Variants in S100A1 observed in about 807,000 individuals in gnomAD.
S100A1 encodes S100 calcium binding protein A1.
In S100A1, 3 loss-of-function variants were observed where a neutral mutation model predicts 7.6. The ratio of observed to expected loss-of-function variants is 0.40; its 90% CI spans 0.18 to 1.02. The LOEUF is 1.02. Among genes scored for constraint, S100A1 ranks in the 50% least tolerant of loss-of-function variants. The probability of loss-of-function intolerance (pLI) is 0.35; values close to 1 mark genes in which losing one functional copy is unlikely to be tolerated. For missense variants in S100A1, 126 were observed against 115.0 expected, an observed-to-expected ratio of 1.10 and a Z score of -0.44; for synonymous variants, 49 against 49.0, an observed-to-expected ratio of 1.00 and a Z score of 0.00.
chr1:153,629,239 A>T (rs1408442111), intron 1 of S100A1: 1 of 151,986 alleles, frequency 6.6e-6, no homozygotes, highest in Admixed American at 6.6e-5. Flanking sequence ...TCTGGCATGG[A>T]GCAGGTAATC....
At chr1:153,629,585 A>C in intron 1 of S100A1, 1 of 151,300 alleles carries the variant, frequency 6.6e-6, no homozygotes, top group African/African-American at 2.4e-5. Context: ...TTCTTCTCCT[A>C]CTCTCTCCCA....
intron 2 of S100A1, 177 bp from the exon 3 acceptor site, chr1:153,631,521 C>G: frequency 6.2e-7 from 1 of 1,613,568 alleles, no homozygotes; most frequent in Non-Finnish European, 8.5e-7. Context: ...GGTGAAAGAG[C>G]TTATGCTGTA....
intron 2 of S100A1, chr1:153,631,221 C>T (rs1667993308): frequency 2.0e-6 from 1 of 506,436 alleles, no homozygotes; most frequent in African/African-American, 1.9e-5. Context: ...ACCAGGGCCC[C>T]AAAGTAAAGA....
At chr1:153,631,512 G>A in intron 2 of S100A1, 186 bp from the exon 3 acceptor site, 1 of 1,612,914 alleles carries the variant, frequency 6.2e-7, no homozygotes, top group Non-Finnish European at 8.5e-7. Context: ...ATTCTGCCAG[G>A]TGAAAGAGCT....
chr1:153,630,201 C>A, intron 1 of S100A1: 1 of 446,058 alleles, frequency 2.2e-6, no homozygotes, highest in Non-Finnish European at 3.9e-6. Flanking sequence ...CCTGCCTGGG[C>A]AGCCACTGCA....
rs1668019668 is a variant in S100A1 at position 153,631,729 on chromosome 1, T to C, written c.173T>C (p.Val58Ala). Residue 58 changes from valine (V) to alanine (A), a missense_variant, in exon 3 of 3, where the codon GTG becomes GCG. Physicochemically the swap from Val to Ala is moderately conservative, Grantham distance 64. Coordinates refer to ENST00000292169, the MANE Select transcript of S100A1 (RefSeq NM_006271.2). Reference protein sequence around the residue: ...AQKDVDAVDKVMKELDENGDG... With the variant: ...AQKDVDAVDKAMKELDENGDG... ...AAGGATGTGGATGCTGTGGACAAGG[T>C]GATGAAGGAGCTAGACGAGAATGGA... 3.1e-6 allele frequency: 5 copies of C among 1,614,090 alleles called. No homozygotes were observed. In the African/African-American group the frequency reaches 4.0e-5, roughly 13 times the overall value.
Position 153,631,477 on chromosome 1 carries a change from AC to A in S100A1, c.142-220del, listed in dbSNP as rs1173406417. On this transcript the variant is annotated intron_variant, in intron 2 of 2. Transcript: ENST00000292169. The stretch of plus-strand genomic sequence containing the variant: ...TTGCTTTATTATAGGCACTGAACAT[AC>A]GGTAACTGGTGTCATTATTATTCAT... The A allele has an allele frequency of 8.8e-6, 14 of 1,596,902 alleles. No homozygotes were observed. The African/African-American group carries it at 1.9e-4, about 21-fold the overall frequency.
intron 1 of S100A1, chr1:153,630,085 G>A (rs1336271578): frequency 9.4e-6 from 2 of 212,244 alleles, no homozygotes; most frequent in Non-Finnish European, 1.9e-5. Flanking sequence ...ACCCTCAACA[G>A]CAGAGCTTGG....
rs779177680 is a variant in S100A1, at chr1:153,630,676, GGTGGAGTGGGA to G, written c.141+25_141+35del. On this transcript the variant is annotated intron_variant, in intron 2 of 2. Transcript: ENST00000292169. Reference sequence around the variant, plus strand: ...GGCTTCCTGGATGTGAGCATAGAGTGGTGGAGTGGGAGTGGAGTGGGTGAAGGTTGGGGGAA... The same window carrying G: ...GGCTTCCTGGATGTGAGCATAGAGTGGTGGAGTGGGTGAAGGTTGGGGGAA... 26 of 1,613,580 alleles carry G rather than the reference GGTGGAGTGGGA, an allele frequency of 1.6e-5. No individual in the cohort carries two copies. Among genetic ancestry groups the G allele is most frequent in the Non-Finnish European group, 2.0e-5 (24 of 1,179,648 alleles).
intron 1 of S100A1, 29 bp downstream of exon 1, chr1:153,628,525 C>T (rs1321381094): frequency 1.7e-5 from 27 of 1,549,966 alleles, no homozygotes; most frequent in Non-Finnish European, 2.4e-5. Context: ...TGGGCTAGTC[C>T]CTGGCCTGCC....
At position 153,630,802 on chromosome 1, in the gene S100A1, T is replaced by G; in HGVS notation, c.141+140T>G. 3 of 1,173,378 alleles carry G rather than the reference T, an allele frequency of 2.6e-6. No homozygotes were observed. In the South Asian group the frequency reaches 4.9e-5, roughly 19 times the overall value. The allele number at this position is 1,173,378 out of a possible 1,614,324, so 72.7% of individuals were successfully genotyped here. A position where few individuals can be genotyped will look rare whatever the true frequency, so the allele number is the denominator to read the frequency against. ...CTTTCCCAGGCTTCTCTCCTGGGTT[T>G]TTCCAGGCTCCCCTACTCCTCCTGG... On this transcript the variant is annotated intron_variant, in intron 2 of 2. Transcript: ENST00000292169.
Position 153,631,751 on chromosome 1 carries a change from T to A in S100A1, c.195T>A (p.Asn65Lys), listed in dbSNP as rs776770905. The stretch of plus-strand genomic sequence containing the variant: ...AGGTGATGAAGGAGCTAGACGAGAA[T>A]GGAGACGGGGAGGTGGACTTCCAGG... ...VDKVMKELDE[N>K]GDGEVDFQEY... Residue 65 changes from asparagine to lysine, a missense_variant, in exon 3 of 3, where the codon AAT (asparagine) becomes AAA (lysine). By Grantham distance (94) the Asn-to-Lys change is moderately conservative. Transcript: ENST00000292169. The A allele has an allele frequency of 1.2e-6, 2 of 1,614,196 alleles. No individual in the cohort carries two copies. Among genetic ancestry groups the A allele is most frequent in the South Asian group, 1.1e-5 (1 of 91,084 alleles).
At chr1:153,630,244 G>A in intron 1 of S100A1, 2 of 496,276 alleles carry the variant, frequency 4.0e-6, no homozygotes, top group South Asian at 4.1e-5. Context: ...AGCCAGCCCA[G>A]CTCCAACTGC....
rs989202985 is a variant in S100A1, at chr1:153,630,656, C to T, written c.135C>T (p.Phe45=). The T allele has an allele frequency of 2.5e-6, 4 of 1,614,054 alleles. No homozygotes were observed. The Admixed American group carries it at 6.7e-5, about 27-fold the overall frequency. Residue 45 remains phenylalanine (F), a synonymous_variant, in exon 2 of 3, where the codon TTC becomes TTT. Transcript: ENST00000292169. ...TGCTGCAGACGGAGCTCTCTGGCTTCCTGGATGTGAGCATAGAGTGGTGGA... is the reference window on the plus strand; with the variant it reads ...TGCTGCAGACGGAGCTCTCTGGCTTTCTGGATGTGAGCATAGAGTGGTGGA... ...KELLQTELSG[F]LDAQKDVDAV...
chr1:153,631,847 C>G lies in S100A1; in HGVS notation c.*6C>G, dbSNP rs372768333. On this transcript the variant is annotated 3_prime_UTR_variant, in exon 3 of 3. Transcript: ENST00000292169. ...TCTTCTGGGAGAACAGTTGAGCAGA[C>G]AGCCACATTGGGCAGCGCCCTTCCT... The G allele has an allele frequency of 3.1e-6, 5 of 1,613,204 alleles. No individual in the cohort carries two copies. The highest frequency in any genetic ancestry group is 4.2e-6 in the Non-Finnish European group (5 of 1,179,860).
In S100A1 at chr1:153,632,014, A is replaced by G; in HGVS notation, c.*173A>G. On this transcript the variant is annotated 3_prime_UTR_variant, in exon 3 of 3. Coordinates refer to ENST00000292169, the MANE Select transcript of S100A1 (RefSeq NM_006271.2). ...GGTCCAAGCCTGCAACTCATCTTTC[A>G]TTAAAGGCTTCTCTCTCACCAGCCA... The G allele has an allele frequency of 1.5e-6, 1 of 649,544 alleles. No homozygotes were observed. The highest frequency in any genetic ancestry group is 2.5e-6 in the Non-Finnish European group (1 of 402,746). 40.2% of individuals were successfully genotyped at this position (649,544 alleles called of 1,614,324 possible).
At chr1:153,629,760 A>C (rs1667900995) in intron 1 of S100A1, 1 of 152,346 alleles carries the variant, frequency 6.6e-6, no homozygotes, top group South Asian at 2.1e-4. Flanking sequence ...CTCTGGCTCC[A>C]AGGAAAAGGC....
chr1:153,630,643 A>C lies in S100A1; in HGVS notation c.122A>C (p.Glu41Ala). ...GAGCTGAAAGAGCTGCTGCAGACGG[A>C]GCTCTCTGGCTTCCTGGATGTGAGC... is the stretch of plus-strand genomic sequence containing the variant. Reference protein sequence around the residue: ...KKELKELLQTELSGFLDAQKD... With the variant: ...KKELKELLQTALSGFLDAQKD... The change falls in exon 2 of 3, where the codon GAG becomes GCG. Residue 41 changes from glutamate to alanine, a missense_variant. By Grantham distance (107) the Glu-to-Ala change is moderately radical. Coordinates refer to ENST00000292169, the MANE Select transcript of S100A1 (RefSeq NM_006271.2). 1 of 1,614,204 alleles carries C rather than the reference A, an allele frequency of 6.2e-7. No individual in the cohort carries two copies. The highest frequency in any genetic ancestry group is 8.5e-7 in the Non-Finnish European group (1 of 1,180,032).
At chr1:153,628,977 T>TG in intron 1 of S100A1, 1 of 159,910 alleles carries the variant, frequency 6.3e-6, no homozygotes, top group Non-Finnish European at 1.4e-5. Context: ...CGGGGGAGTC[T>TG]GGGGGTGGCA....
Sources: gnomAD v4.1 joint callset for allele counts on GRCh38, gnomAD v4.1.1 for gene constraint, MANE v1.5 for transcripts, NCBI Gene and HGNC (gene_info 2026-07-23, HGNC 2026-07-21) for gene names.